MPND: variants seen among roughly 807,000 people sequenced by gnomAD.
MPND encodes the protein MPN domain-containing protein.
In MPND, 56 loss-of-function variants were observed where a neutral mutation model predicts 59.2. The observed-to-expected ratio is 0.95, with a 90% confidence interval of 0.76 to 1.18. MPND has a LOEUF of 1.18. Among genes scored for constraint, MPND ranks in the 50% most tolerant of loss-of-function variants. The probability of loss-of-function intolerance (pLI) is 0.00; values close to 1 mark genes in which losing one functional copy is unlikely to be tolerated. For synonymous variants in MPND, 323 were observed against 291.9 expected, an observed-to-expected ratio of 1.11 and a Z score of -1.09; for missense variants, 671 against 676.0, an observed-to-expected ratio of 0.99 and a Z score of 0.08.
In MPND at chr19:4,358,107, C is replaced by T. The variant is rs1440165364; in HGVS notation, c.1261C>T (p.Pro421Ser). ...GCAAAGGCCCAGTGACTATGGCATCCCCATGGATGTGGAGATGGCCTACGT... is the reference window on the plus strand; with the variant it reads ...GCAAAGGCCCAGTGACTATGGCATCTCCATGGATGTGGAGATGGCCTACGT... ...PEQRPSDYGI[P>S]MDVEMAYVQD... The change falls in exon 11 of 13, where the codon CCC becomes TCC. Residue 421 changes from proline to serine, a missense_variant. Physicochemically the swap from Pro to Ser is moderately conservative, Grantham distance 74 (BLOSUM62 -1). Coordinates refer to ENST00000599840, the MANE Select transcript of MPND (RefSeq NM_001300862.2). 1 of 1,551,470 alleles carries T rather than the reference C, an allele frequency of 6.4e-7. No homozygotes were observed. The highest frequency in any genetic ancestry group is 8.7e-7 in the Non-Finnish European group (1 of 1,146,938).
chr19:4,354,191 G>A, intron 5 of MPND, 62 bp downstream of exon 5: 5 of 1,562,106 alleles, frequency 3.2e-6, no homozygotes, highest in Non-Finnish European at 4.4e-6. Context: ...CTGGTCTTGG[G>A]GTAGCAAGGG....
At position 4,354,142 on chromosome 19, in the gene MPND, C is replaced by T. The variant is rs563691840; in HGVS notation, c.749+13C>T. 1 of 1,604,136 alleles carries T rather than the reference C, an allele frequency of 6.2e-7. No homozygotes were observed. Among genetic ancestry groups the T allele is most frequent in the South Asian group, 1.1e-5 (1 of 90,766 alleles). ...GCGACTTGGCCAGGTCAGACTCACCCCAAGTTCTGCCCCTGCCCCAGCTCA... is the reference window on the plus strand; with the variant it reads ...GCGACTTGGCCAGGTCAGACTCACCTCAAGTTCTGCCCCTGCCCCAGCTCA... On this transcript the variant is annotated intron_variant, in intron 5 of 12. Transcript: ENST00000599840.
chr19:4,349,742 C>T (rs1471784827), intron 3 of MPND, among the ~76,000 whole-genome samples: 1 of 152,144 alleles, frequency 6.6e-6, no homozygotes, highest in Non-Finnish European at 1.5e-5. Flanking sequence ...AACTCCTGAC[C>T]TCAGGTGATC....
At chr19:4,350,394 G>A (rs1339144842) in intron 3 of MPND, among the ~76,000 whole-genome samples, 2 of 152,078 alleles carry the variant, frequency 1.3e-5, no homozygotes, top group Non-Finnish European at 2.9e-5. Context: ...AGGAAGGACA[G>A]GATCTGACTG....
Position 4,356,002 on chromosome 19 carries a change from C to T in MPND, c.996+829C>T, listed in dbSNP as rs565544049. ...CTGAATACCTAGGATTACAGGTGTG[C>T]GCCACCATCTCCAGCTAATTTTTGT... On this transcript the variant is annotated intron_variant, in intron 8 of 12. Coordinates refer to ENST00000599840, the MANE Select transcript of MPND (RefSeq NM_001300862.2). 4.6e-5 allele frequency among the ~76,000 whole-genome samples: 7 copies of T among 151,628 alleles called. No homozygotes were observed. In the South Asian group the frequency reaches 8.3e-4, roughly 18 times the overall value.
At chr19:4,358,429 AC>A (rs1442581551) in intron 11 of MPND, 2 of 498,370 alleles carry the variant, frequency 4.0e-6, no homozygotes, top group African/African-American at 3.9e-5. Flanking sequence ...CAGTAGAGAA[AC>A]CCCAGGGACT....
At position 4,357,580 on chromosome 19, in the gene MPND, C is replaced by T; in HGVS notation, c.1231C>T (p.Pro411Ser). 6.2e-7 allele frequency: 1 copy of T among 1,611,718 alleles called. No individual in the cohort carries two copies. Among genetic ancestry groups the T allele is most frequent in the Non-Finnish European group, 8.5e-7 (1 of 1,178,978 alleles). Residue 411 changes from proline to serine, a missense_variant, in exon 10 of 13, where the codon CCC (proline) becomes TCC (serine). Physicochemically the swap from Pro to Ser is moderately conservative, Grantham distance 74 (BLOSUM62 -1). Coordinates refer to ENST00000599840, the MANE Select transcript of MPND (RefSeq NM_001300862.2). ...CTCACCTTTCTGGGTGATGCCTCCTCCCGAGGTAGGTGGGGCTGTTGGGAG... is the reference window on the plus strand; with the variant it reads ...CTCACCTTTCTGGGTGATGCCTCCTTCCGAGGTAGGTGGGGCTGTTGGGAG... ...KISPFWVMPP[P>S]EQRPSDYGIP... is the part of the protein sequence containing the mutation.
At chr19:4,359,844 A>G in intron 12 of MPND, 72 bp from the exon 13 acceptor site, 1 of 1,265,978 alleles carries the variant, frequency 7.9e-7, no homozygotes, top group Non-Finnish European at 1.1e-6. Context: ...CTGGACTTGC[A>G]CGGTGGACTG....
At chr19:4,358,452 CTGGA>C in intron 11 of MPND, 2 of 461,318 alleles carry the variant, frequency 4.3e-6, no homozygotes, top group East Asian at 3.6e-5. Flanking sequence ...TGGGTGGTAA[CTGGA>C]TGAACACTTA....
At position 4,359,273 on chromosome 19, in the gene MPND, G is replaced by GTTAGGAGGTCTGCGGGGA; in HGVS notation, c.1419+18_1419+19insTTAGGAGGTCTGCGGGGA. 1 of 1,605,516 alleles carries GTTAGGAGGTCTGCGGGGA rather than the reference G, an allele frequency of 6.2e-7. No individual in the cohort carries two copies. The highest frequency in any genetic ancestry group is 8.5e-7 in the Non-Finnish European group (1 of 1,173,448). ...AGCTTAAGGTGAGCCCCAAGTCCCC[G>GTTAGGAGGTCTGCGGGGA]CAGACCTCCTAACGGGGCCCCAGGA... On this transcript the variant is annotated intron_variant, in intron 12 of 12. Coordinates refer to ENST00000599840, the MANE Select transcript of MPND (RefSeq NM_001300862.2).
chr19:4,347,361 C>T (rs891705566), intron 3 of MPND: 3 of 152,004 alleles, frequency 2.0e-5, no homozygotes, highest in Admixed American at 1.3e-4. Flanking sequence ...CTGCCTCAGC[C>T]TCCCGAGTAG....
Position 4,355,173 on chromosome 19 carries a change from G to C in MPND, c.996G>C (p.Glu332Asp). Reference sequence around the variant, plus strand: ...AGACTGCAGCTGCCATCGAAGAGGAGGTGAGGGGCTACCTGGGAGGTGGCA... The same window carrying C: ...AGACTGCAGCTGCCATCGAAGAGGACGTGAGGGGCTACCTGGGAGGTGGCA... The part of the protein sequence containing the change: ...DAETAAAIEE[E>D]IYQSLFLRGL... Residue 332 changes from glutamate to aspartate, a missense_variant and splice_region_variant, in exon 8 of 13, where the codon GAG becomes GAC. Transcript: ENST00000599840. 3 of 1,612,826 alleles carry C rather than the reference G, an allele frequency of 1.9e-6. No homozygotes were observed. Among genetic ancestry groups the C allele is most frequent in the African/African-American group, 2.7e-5 (2 of 75,004 alleles).
intron 7 of MPND, 34 bp downstream of exon 7, chr19:4,355,055 G>A (rs765205633): frequency 6.2e-7 from 1 of 1,611,764 alleles, no homozygotes; most frequent in Admixed American, 1.7e-5. Flanking sequence ...CGGGGGCGTT[G>A]GAGGACCGGG....
At chr19:4,346,309 T>C (rs59062816) in intron 3 of MPND, among the ~76,000 whole-genome samples, 2,630 of 152,276 alleles carry the variant, frequency 0.017, 40 homozygotes, top group African/African-American at 0.048. Flanking sequence ...CTGGAAATGA[T>C]GGCAGGGACC....
At chr19:4,357,865 C>T in intron 10 of MPND, 1 of 608,404 alleles carries the variant, frequency 1.6e-6, no homozygotes, top group Admixed American at 2.9e-5. Context: ...GAGGTCAGCC[C>T]TGGGAAGTCA....
chr19:4,358,864 G>A (rs759706472), intron 11 of MPND, among the ~76,000 whole-genome samples: 1 of 152,152 alleles, frequency 6.6e-6, no homozygotes, highest in African/African-American at 2.4e-5. Context: ...GGATGAGGCC[G>A]AACCAGGGGG....
chr19:4,359,952 C>G lies in MPND; in HGVS notation c.1456C>G (p.Leu486Val). Residue 486 changes from leucine (L) to valine (V), a missense_variant, in exon 13 of 13, where the codon CTG becomes GTG. Coordinates refer to ENST00000599840, the MANE Select transcript of MPND (RefSeq NM_001300862.2). ...LASRTPKDQS[L>V]CHVLEQVCGV... is the part of the protein sequence containing the mutation. ...CAGCAGGACGCCCAAGGACCAGAGC[C>G]TGTGTCACGTCCTGGAACAGGTGTG... 6.3e-7 allele frequency: 1 copy of G among 1,575,694 alleles called. No individual in the cohort carries two copies. The highest frequency in any genetic ancestry group is 8.6e-7 in the Non-Finnish European group (1 of 1,160,264).
chr19:4,353,114 C>G, intron 4 of MPND, 85 bp downstream of exon 4: 2 of 1,130,286 alleles, frequency 1.8e-6, no homozygotes, highest in Non-Finnish European at 2.3e-6. Flanking sequence ...GGGCCTTGAT[C>G]TTCTCCTAGG....
Position 4,355,127 on chromosome 19 carries a change from G to C in MPND, c.950G>C (p.Arg317Pro). The C allele has an allele frequency of 1.2e-6, 2 of 1,613,738 alleles. No individual in the cohort carries two copies. Among genetic ancestry groups the C allele is most frequent in the Non-Finnish European group, 1.7e-6 (2 of 1,180,020 alleles). The change falls in exon 8 of 13, where the codon CGG becomes CCG. Residue 317 changes from arginine to proline, a missense_variant. Coordinates refer to ENST00000599840, the MANE Select transcript of MPND (RefSeq NM_001300862.2). The part of the protein sequence containing the change: ...MLTVLRAFPC[R>P]SRLGDAETAA... ...ACGGTGCTCAGAGCCTTCCCTTGTC[G>C]GAGCCGGCTCGGGGACGCAGAGACT...
Sources: allele counts gnomAD v4.1 joint callset (sites outside exome capture counted in the v4.1 genomes callset), GRCh38; gene constraint gnomAD v4.1.1; transcripts MANE v1.5; gene names NCBI Gene and HGNC (gene_info 2026-07-23, HGNC 2026-07-21).